Variants in ARHGAP8 observed in about 807,000 individuals in gnomAD.
ARHGAP8 encodes Rho GTPase activating protein 8, also known as rho GTPase-activating protein 8.
ARHGAP8 carries 62 observed loss-of-function variants against 46.1 expected under a neutral mutation model. That is an observed-to-expected ratio of 1.34 (90% confidence interval 1.10 to 1.66). The LOEUF is 1.66. Ranked by LOEUF, ARHGAP8 falls within the 40% of genes most tolerant of loss-of-function variation. The probability of loss-of-function intolerance (pLI) is 0.00; values close to 1 mark genes in which losing one functional copy is unlikely to be tolerated. For synonymous variants in ARHGAP8, 375 were observed against 243.1 expected (o/e 1.54, Z -5.05); for missense variants, 923 against 568.4 (o/e 1.62, Z -6.34).
intron 1 of ARHGAP8, among the ~76,000 whole-genome samples, chr22:44,781,768 A>G (rs1160327257): frequency 6.6e-6 from 1 of 152,114 alleles, no homozygotes; most frequent in Non-Finnish European, 1.5e-5. Context: ...CAGGTGATCC[A>G]CATGCCTCAG....
chr22:44,841,477 C>T (rs1163795796), intron 7 of ARHGAP8, among the ~76,000 whole-genome samples: 3 of 152,166 alleles, frequency 2.0e-5, no homozygotes, highest in African/African-American at 7.2e-5. Flanking sequence ...ACTCCTAGCT[C>T]CACGTGGCCA....
chr22:44,837,601 A>G (rs909004533), intron 7 of ARHGAP8, among the ~76,000 whole-genome samples: 2 of 152,184 alleles, frequency 1.3e-5, no homozygotes, highest in African/African-American at 2.4e-5. Flanking sequence ...CAGGAAACAC[A>G]GCACATCTGC....
chr22:44,793,645 TG>T (rs1927869835), intron 2 of ARHGAP8, among the ~76,000 whole-genome samples: 1 of 152,152 alleles, frequency 6.6e-6, no homozygotes, highest in African/African-American at 2.4e-5. Flanking sequence ...ACGCACCCTG[TG>T]GGTAATGGCT....
intron 7 of ARHGAP8, among the ~76,000 whole-genome samples, chr22:44,835,576 G>A (rs760486195): frequency 1.1e-4 from 16 of 152,258 alleles, no homozygotes; most frequent in Non-Finnish European, 1.6e-4. Flanking sequence ...AGCCAAGATC[G>A]CGCCACTGCA....
At chr22:44,759,113 A>G (rs113391961) in intron 1 of ARHGAP8, among the ~76,000 whole-genome samples, 133 of 152,328 alleles carry the variant, frequency 8.7e-4, no homozygotes, top group African/African-American at 2.9e-3. Context: ...GGGTGGAACC[A>G]GGCCACGCTG....
chr22:44,829,288 C>T (rs1930769018), intron 7 of ARHGAP8, among the ~76,000 whole-genome samples: 1 of 145,362 alleles, frequency 6.9e-6, no homozygotes, highest in Admixed American at 6.9e-5. Flanking sequence ...GAGACTCCCT[C>T]TCAAAAAAGA....
chr22:44,782,251 C>T (rs893865614), intron 1 of ARHGAP8, among the ~76,000 whole-genome samples: 1 of 152,130 alleles, frequency 6.6e-6, no homozygotes, highest in Non-Finnish European at 1.5e-5. Context: ...GCAGGAGAAT[C>T]GCTTGAACCG....
intron 7 of ARHGAP8, among the ~76,000 whole-genome samples, chr22:44,831,251 G>A (rs73176154): frequency 0.074 from 11,277 of 152,182 alleles, 802 homozygotes; most frequent in East Asian, 0.42. Flanking sequence ...ATTCAAGGCC[G>A]TGACAATTCA....
At chr22:44,814,558 TGA>T in intron 4 of ARHGAP8, 112 bp from the exon 5 acceptor site, 1 of 857,588 alleles carries the variant, frequency 1.2e-6, no homozygotes, top group Non-Finnish European at 1.8e-6. Context: ...TTGATCCTGT[TGA>T]GAGGAGTAAC....
chr22:44,829,976 G>A (rs921591153), intron 7 of ARHGAP8, among the ~76,000 whole-genome samples: 1 of 152,080 alleles, frequency 6.6e-6, no homozygotes, highest in South Asian at 2.1e-4. Flanking sequence ...AGGCTGGGTG[G>A]GGCAGGTCAT....
intron 10 of ARHGAP8, among the ~76,000 whole-genome samples, chr22:44,853,798 C>T (rs1164262564): frequency 5.9e-5 from 9 of 152,052 alleles, no homozygotes; most frequent in African/African-American, 2.2e-4. Flanking sequence ...GAGACCAAGG[C>T]GGGTGGATCA....
At chr22:44,790,630 C>G (rs1396493434) in intron 2 of ARHGAP8, among the ~76,000 whole-genome samples, 1 of 131,558 alleles carries the variant, frequency 7.6e-6, no homozygotes, top group Non-Finnish European at 1.6e-5. Flanking sequence ...GAGCCAAGAT[C>G]ACACCATTGC....
rs137919354 is a variant in ARHGAP8 at position 44,808,364 on chromosome 22, C to T, written c.225C>T (p.Phe75=). The T allele has an allele frequency of 1.2e-5, 19 of 1,614,130 alleles. No individual in the cohort carries two copies. In the African/African-American group the frequency reaches 2.4e-4, roughly 20 times the overall value. Residue 75 remains phenylalanine (F), a synonymous_variant, in exon 4 of 12, where the codon TTC becomes TTT. Coordinates refer to ENST00000356099, the MANE Select transcript of ARHGAP8 (RefSeq NM_181335.3). The part of the protein sequence containing the change: ...YVENDYTIVY[F]HYGLNSRNKP... ...AGAACGATTATACCATCGTCTATTT[C>T]CACTACGGGCTGAACAGCCGGAACA...
At chr22:44,856,246 T>C (rs1251584954) in intron 10 of ARHGAP8, among the ~76,000 whole-genome samples, 2 of 143,296 alleles carry the variant, frequency 1.4e-5, no homozygotes, top group Admixed American at 7.1e-5. Flanking sequence ...TGGCCAGCTA[T>C]AAATTCCCTT....
intron 2 of ARHGAP8, among the ~76,000 whole-genome samples, chr22:44,798,739 A>C (rs1928275641): frequency 6.6e-6 from 1 of 151,676 alleles, no homozygotes; most frequent in African/African-American, 2.4e-5. Flanking sequence ...ACTGCTGGAC[A>C]CCTGAAATGT....
chr22:44,834,551 A>G (rs554084172), intron 7 of ARHGAP8, among the ~76,000 whole-genome samples: 6 of 152,250 alleles, frequency 3.9e-5, no homozygotes, highest in East Asian at 1.9e-4. Flanking sequence ...AGAATATTCA[A>G]CGGACACATG....
intron 2 of ARHGAP8, among the ~76,000 whole-genome samples, chr22:44,799,365 C>T (rs1402242904): frequency 6.6e-6 from 1 of 152,236 alleles, no homozygotes; most frequent in Non-Finnish European, 1.5e-5. Context: ...GGCATGTCCA[C>T]AGACCGGCCA....
At position 44,825,574 on chromosome 22, in the gene ARHGAP8, T is replaced by G. The variant is rs1434848526; in HGVS notation, c.577T>G (p.Phe193Val). 6.2e-7 allele frequency: 1 copy of G among 1,612,464 alleles called. No individual in the cohort carries two copies. The highest frequency in any genetic ancestry group is 1.7e-5 in the Admixed American group (1 of 59,902). ...PPRPPLPTQQ[F>V]GVSLQYLKDK... ...GCGGCCCCCGCTGCCCACACAGCAGTTTGGCGTCAGTCTGCAATAGTAAGT... is the reference window on the plus strand; with the variant it reads ...GCGGCCCCCGCTGCCCACACAGCAGGTTGGCGTCAGTCTGCAATAGTAAGT... Residue 193 changes from phenylalanine to valine, a missense_variant, in exon 7 of 12, where the codon TTT becomes GTT. Physicochemically the swap from Phe to Val is conservative, Grantham distance 50 (BLOSUM62 -1). Transcript: ENST00000356099.
At chr22:44,765,920 G>T (rs574240063) in intron 1 of ARHGAP8, 2 of 152,342 alleles carry the variant, frequency 1.3e-5, no homozygotes, top group Non-Finnish European at 2.9e-5. Context: ...CCTGGGTCTC[G>T]CTCCTGTGCC....
Sources: gnomAD v4.1 joint callset for allele counts (sites outside exome capture counted in the v4.1 genomes callset) on GRCh38, gnomAD v4.1.1 for gene constraint, MANE v1.5 for transcripts, NCBI Gene and HGNC (gene_info 2026-07-23, HGNC 2026-07-21) for gene names.